ERC1: variants seen among roughly 807,000 people sequenced by gnomAD.
ERC1 encodes the protein ELKS/RAB6-interacting/CAST family member 1.
A neutral mutation model predicts 132.0 loss-of-function variants in ERC1; 56 were observed. The observed-to-expected ratio is 0.42, with a 90% CI of 0.34 to 0.53. The LOEUF is 0.53. Ranked by LOEUF, ERC1 falls within the 20% of genes least tolerant of loss-of-function variation. The pLI is 0.03. For synonymous variants in ERC1, 478 were observed against 476.1 expected (o/e 1.00, Z -0.05); for missense variants, 1,202 against 1,349.9 (o/e 0.89, Z 1.72).
chr12:1,336,183 AT>A (rs556989726), intron 15 of ERC1, among the ~76,000 whole-genome samples: 4 of 150,792 alleles, frequency 2.7e-5, no homozygotes, highest in African/African-American at 7.3e-5. Flanking sequence ...TATTTTATTA[AT>A]TTTTTTTTAA....
intron 12 of ERC1, among the ~76,000 whole-genome samples, chr12:1,229,079 G>A (rs1295373602): frequency 6.6e-6 from 1 of 152,212 alleles, no homozygotes; most frequent in South Asian, 2.1e-4. Context: ...AATTTGAGAA[G>A]AATTGGTACT....
chr12:1,473,937 G>A (rs1461641758), intron 18 of ERC1, among the ~76,000 whole-genome samples: 1 of 152,220 alleles, frequency 6.6e-6, no homozygotes, highest in Admixed American at 6.5e-5. Flanking sequence ...TAGAGGGTTA[G>A]AGGGATTCCA....
chr12:1,028,825 G>A (rs946073373), intron 2 of ERC1, among the ~76,000 whole-genome samples: 3 of 143,876 alleles, frequency 2.1e-5, no homozygotes, highest in African/African-American at 5.1e-5. Context: ...CTTTCTCTTC[G>A]TGTCTTTCCT....
chr12:1,154,721 A>G (rs1951202064), intron 8 of ERC1, among the ~76,000 whole-genome samples: 1 of 152,174 alleles, frequency 6.6e-6, no homozygotes, highest in African/African-American at 2.4e-5. Context: ...AAGAAAAAAA[A>G]ATAATCCCAT....
rs116397660 is a variant in ERC1, at chr12:1,414,004, A to G, written c.3024+5757A>G. Among the ~76,000 whole-genome samples the G allele has an allele frequency of 4.3e-3, 658 of 152,218 alleles. 9 individuals carry two copies. The highest frequency in any genetic ancestry group is 0.015 in the African/African-American group (621 of 41,536). On this transcript the variant is annotated intron_variant, in intron 17 of 18. Transcript: ENST00000360905. ...ATCATCAGGCATCAGTTAGATTCTC[A>G]TCAGGAGCGTGCAACCTAGATCCCT...
intron 2 of ERC1, among the ~76,000 whole-genome samples, chr12:1,045,530 A>G (rs1006915377): frequency 6.6e-6 from 1 of 152,126 alleles, no homozygotes; most frequent in Non-Finnish European, 1.5e-5. Context: ...AGATGCTTTC[A>G]TATACATTGC....
chr12:1,247,809 C>A (rs561433680), intron 13 of ERC1, among the ~76,000 whole-genome samples: 55 of 152,230 alleles, frequency 3.6e-4, no homozygotes, highest in African/African-American at 1.3e-3. Context: ...CCAGCATGAC[C>A]AACATGGAGA....
At chr12:1,213,238 CAT>C (rs1958046077) in intron 12 of ERC1, among the ~76,000 whole-genome samples, 2 of 152,140 alleles carry the variant, frequency 1.3e-5, no homozygotes, top group African/African-American at 4.8e-5. Flanking sequence ...GGAAAAACCC[CAT>C]AGTGTCTTAC....
Position 1,034,204 on chromosome 12 carries a change from C to T in ERC1, c.669+5632C>T, listed in dbSNP as rs923463340. 3.3e-5 allele frequency among the ~76,000 whole-genome samples: 5 copies of T among 151,996 alleles called. No individual in the cohort carries two copies. In the East Asian group the frequency reaches 9.7e-4, roughly 29 times the overall value. On this transcript the variant is annotated intron_variant, in intron 2 of 18. Coordinates refer to ENST00000360905, the MANE Select transcript of ERC1 (RefSeq NM_178040.4). Reference sequence around the variant, plus strand: ...TAGTGTATCATATTTGAATATTATACAATTTCAAATGTATTGTTAATAAAA... The same window carrying T: ...TAGTGTATCATATTTGAATATTATATAATTTCAAATGTATTGTTAATAAAA...
intron 1 of ERC1, among the ~76,000 whole-genome samples, chr12:1,007,538 C>G (rs61502370): frequency 0.023 from 1,219 of 53,154 alleles, 12 homozygotes; most frequent in Non-Finnish European, 0.023. Flanking sequence ...CTCTCTCTCT[C>G]TCTGTGTGTG....
At chr12:1,394,619 T>C (rs1591750173) in intron 16 of ERC1, among the ~76,000 whole-genome samples, 1 of 152,228 alleles carries the variant, frequency 6.6e-6, no homozygotes, top group East Asian at 1.9e-4. Context: ...GAGTGAGTTC[T>C]CTTGAGATCT....
intron 18 of ERC1, among the ~76,000 whole-genome samples, chr12:1,463,713 G>GTGTGTGTGTGTGTGTGTA (rs1171551718): frequency 1.3e-5 from 2 of 151,748 alleles, no homozygotes; most frequent in African/African-American, 4.9e-5. Context: ...GTGTGTGTGT[G>GTGTGTGTGTGTGTGTGTA]TGTGTGTGTG....
chr12:1,163,374 A>AC (rs1469248818), intron 8 of ERC1, among the ~76,000 whole-genome samples: 1 of 152,136 alleles, frequency 6.6e-6, no homozygotes, highest in Admixed American at 6.5e-5. Context: ...ATAACAAAAT[A>AC]CCCCCTCATC....
intron 13 of ERC1, among the ~76,000 whole-genome samples, chr12:1,256,464 G>T (rs552531356): frequency 2.4e-4 from 34 of 139,646 alleles, no homozygotes; most frequent in African/African-American, 8.6e-4. Context: ...CAAATGTGAG[G>T]ATTCACTCAA....
intron 18 of ERC1, among the ~76,000 whole-genome samples, chr12:1,468,683 C>G (rs1397028141): frequency 6.6e-6 from 1 of 152,112 alleles, no homozygotes; most frequent in Non-Finnish European, 1.5e-5. Flanking sequence ...AAAGAGCCTG[C>G]AGGCTCTCAG....
intron 1 of ERC1, among the ~76,000 whole-genome samples, chr12:998,077 A>G (rs1961318527): frequency 6.6e-6 from 1 of 152,188 alleles, no homozygotes; most frequent in East Asian, 1.9e-4. Context: ...TGCTTTACAC[A>G]CTTAAGAGTT....
chr12:1,010,186 G>T (rs1340128450), intron 1 of ERC1, among the ~76,000 whole-genome samples: 1 of 152,134 alleles, frequency 6.6e-6, no homozygotes, highest in African/African-American at 2.4e-5. Context: ...AGGTCGAAGA[G>T]AAAGGAAATA....
chr12:1,246,511 A>T (rs1351805114), intron 13 of ERC1, among the ~76,000 whole-genome samples: 1 of 152,236 alleles, frequency 6.6e-6, no homozygotes, highest in Non-Finnish European at 1.5e-5. Context: ...TCACCATGAG[A>T]CAAACTGATG....
At chr12:1,433,150 A>G (rs1045245081) in intron 17 of ERC1, among the ~76,000 whole-genome samples, 2 of 152,228 alleles carry the variant, frequency 1.3e-5, no homozygotes, top group South Asian at 2.1e-4. Flanking sequence ...AGTTAAGATT[A>G]TAAGATGCAG....
Sources: allele counts gnomAD v4.1 joint callset (sites outside exome capture counted in the v4.1 genomes callset), GRCh38; gene constraint gnomAD v4.1.1; transcripts MANE v1.5; gene names NCBI Gene and HGNC (gene_info 2026-07-23, HGNC 2026-07-21).